The following DNAAF11 variants were observed in gnomAD, a reference collection of about 807,000 sequenced individuals.
DNAAF11 encodes leucine rich repeat containing 6.
A neutral mutation model predicts 60.8 loss-of-function variants in DNAAF11; 45 were observed. The observed-to-expected ratio is 0.74, with a 90% CI of 0.58 to 0.95. The LOEUF (loss-of-function observed/expected upper bound fraction) is 0.95. DNAAF11 is among the 40% of genes least tolerant of loss of function. DNAAF11 has a pLI of 0.00. For synonymous variants in DNAAF11, 191 were observed against 183.5 expected, an observed-to-expected ratio of 1.04 and a Z score of -0.33; for missense variants, 546 against 546.2, an observed-to-expected ratio of 1.00 and a Z score of 0.00.
chr8:132,653,268 T>C (rs1035616638), intron 3 of DNAAF11, among the ~76,000 whole-genome samples: 1 of 152,146 alleles, frequency 6.6e-6, no homozygotes, highest in Admixed American at 6.5e-5. Flanking sequence ...AATGTAGTTG[T>C]CAACGAATAA....
Position 132,632,623 on chromosome 8 carries a change from T to C in DNAAF11, c.653+117A>G, listed in dbSNP as rs896734833. On this transcript the variant is annotated intron_variant, in intron 5 of 11. Transcript: ENST00000620350. ...ATTCTTCCATCCAAAATTCACATCA[T>C]ATTTCATTCTTCAAATTAATCTGGA... 4.2e-6 allele frequency: 3 copies of C among 719,788 alleles called. No homozygotes were observed. In the African/African-American group the frequency reaches 5.3e-5, roughly 13 times the overall value. 44.6% of individuals were successfully genotyped at this position (719,788 alleles called of 1,614,324 possible).
chr8:132,685,670 A>C, the DNAAF11 span, among the ~76,000 whole-genome samples: 2 of 152,204 alleles, frequency 1.3e-5, no homozygotes, highest in Non-Finnish European at 2.9e-5. Context: ...TACAGTTCAC[A>C]CTTGCCCCTT....
intron 10 of DNAAF11, among the ~76,000 whole-genome samples, chr8:132,597,423 G>T (rs375249924): frequency 8.5e-5 from 13 of 152,294 alleles, no homozygotes; most frequent in African/African-American, 2.9e-4. Flanking sequence ...ATCAAGGTCA[G>T]CTGTGCAGGG....
rs76767348 is a variant in DNAAF11 at position 132,572,631 on chromosome 8, A to G, written c.1227-151T>C. On this transcript the variant is annotated intron_variant, in intron 11 of 11. Coordinates refer to ENST00000620350, the MANE Select transcript of DNAAF11 (RefSeq NM_012472.6). ...AAAGGAGAGAATGTCCCTAGCATCA[A>G]GAAGCTTAGAGCCTTGTAGAATCAA... 1,907 of 517,088 alleles carry G rather than the reference A, an allele frequency of 3.7e-3. 33 individuals carry two copies. The highest frequency in any genetic ancestry group is 0.033 in the African/African-American group (1,703 of 51,258). 32.0% of individuals were successfully genotyped at this position (517,088 alleles called of 1,614,324 possible). A position where few individuals can be genotyped will look rare whatever the true frequency, so the allele number is the denominator to read the frequency against.
At chr8:132,642,431 C>T (rs186347402) in intron 3 of DNAAF11, among the ~76,000 whole-genome samples, 14 of 152,372 alleles carry the variant, frequency 9.2e-5, no homozygotes, top group Admixed American at 8.5e-4. Flanking sequence ...TGCATTGGGG[C>T]TGGCCCCAGG....
At chr8:132,680,512 T>C (rs930055742), upstream of DNAAF11, among the ~76,000 whole-genome samples, 6 of 152,096 alleles carry the variant, frequency 3.9e-5, no homozygotes, top group African/African-American at 1.4e-4. Context: ...TAATTTCTTA[T>C]TTTTTTATGA....
intron 4 of DNAAF11, among the ~76,000 whole-genome samples, chr8:132,637,024 T>G (rs1732180210): frequency 6.6e-6 from 1 of 152,196 alleles, no homozygotes; most frequent in Non-Finnish European, 1.5e-5. Flanking sequence ...ACTCTTAGAA[T>G]TACATGAAAC....
chr8:132,615,042 A>G lies in DNAAF11; in HGVS notation c.970T>C (p.Tyr324His). 6.3e-7 allele frequency: 1 copy of G among 1,590,504 alleles called. No individual in the cohort carries two copies. The highest frequency in any genetic ancestry group is 1.1e-5 in the South Asian group (1 of 89,586). ...EKQIILDLAV[Y>H]RYMDTSLIDV... ...ATACGTAGAAAATGTCTTTACCTATAGACAGCAAGGTCCAGGATGATCTGC... is the reference window on the plus strand; with the variant it reads ...ATACGTAGAAAATGTCTTTACCTATGGACAGCAAGGTCCAGGATGATCTGC... The change falls in exon 8 of 12, where the codon TAT becomes CAT. Residue 324 changes from tyrosine (Y) to histidine (H), a missense_variant. Transcript: ENST00000620350.
chr8:132,645,562 T>C (rs965029736), intron 3 of DNAAF11, among the ~76,000 whole-genome samples: 1 of 152,028 alleles, frequency 6.6e-6, no homozygotes, highest in Non-Finnish European at 1.5e-5. Context: ...AGGAGGATGT[T>C]TGAACCTATC....
At chr8:132,612,993 A>G (rs1818814116) in intron 8 of DNAAF11, among the ~76,000 whole-genome samples, 1 of 152,246 alleles carries the variant, frequency 6.6e-6, no homozygotes, top group Non-Finnish European at 1.5e-5. Flanking sequence ...ATTAAACACC[A>G]GACATAGGGC....
At chr8:132,627,079 A>G (rs1041028876) in intron 5 of DNAAF11, among the ~76,000 whole-genome samples, 4 of 152,220 alleles carry the variant, frequency 2.6e-5, no homozygotes, top group Admixed American at 1.3e-4. Flanking sequence ...ATTGCTGAAA[A>G]TAAATAAATT....
chr8:132,687,482 C>A, the DNAAF11 span: 1 of 382,008 alleles, frequency 2.6e-6, no homozygotes, highest in South Asian at 1.9e-5. Flanking sequence ...CCAGGTGACT[C>A]TGCCTTCCCA....
chr8:132,606,026 T>C (rs1428841353), intron 10 of DNAAF11, among the ~76,000 whole-genome samples: 1 of 152,172 alleles, frequency 6.6e-6, no homozygotes, highest in African/African-American at 2.4e-5. Context: ...GATTTACATA[T>C]ACAGTCATAT....
rs1816425034 is a variant in DNAAF11 at position 132,591,152 on chromosome 8, A to G, written c.1141-7373T>C. 4.6e-5 allele frequency among the ~76,000 whole-genome samples: 7 copies of G among 152,316 alleles called. No homozygotes were observed. In the South Asian group the frequency reaches 1.4e-3, roughly 32 times the overall value. On this transcript the variant is annotated intron_variant, in intron 10 of 11. Transcript: ENST00000620350. ...ACATTTTAAGGCTTGATATGTGTCA[A>G]TAATTTTATTCCCAAAAAGATTAAA...
intron 1 of DNAAF11, among the ~76,000 whole-genome samples, chr8:132,671,717 A>C (rs967532045): frequency 6.6e-6 from 1 of 152,132 alleles, no homozygotes; most frequent in Non-Finnish European, 1.5e-5. Flanking sequence ...TCGAGAACAC[A>C]CATATACAAG....
chr8:132,604,585 A>G (rs1465150432), intron 10 of DNAAF11, among the ~76,000 whole-genome samples: 1 of 152,202 alleles, frequency 6.6e-6, no homozygotes, highest in Non-Finnish European at 1.5e-5. Context: ...CAAGCCTCTC[A>G]GTGCATGCAA....
the DNAAF11 span, among the ~76,000 whole-genome samples, chr8:132,697,626 A>G: frequency 6.6e-6 from 1 of 150,500 alleles, no homozygotes; most frequent in Admixed American, 6.7e-5. Flanking sequence ...TCAAAAAGAA[A>G]AAAAAAAAAT....
At chr8:132,622,093 A>T (rs1311796780) in intron 7 of DNAAF11, among the ~76,000 whole-genome samples, 1 of 152,198 alleles carries the variant, frequency 6.6e-6, no homozygotes, top group Non-Finnish European at 1.5e-5. Context: ...ACAGACAAAG[A>T]GGGTAGATCA....
intron 3 of DNAAF11, among the ~76,000 whole-genome samples, chr8:132,654,911 A>G (rs558900033): frequency 2.0e-5 from 3 of 152,128 alleles, no homozygotes; most frequent in African/African-American, 7.2e-5. Context: ...AATAAGGATT[A>G]CAGGGGAAAC....
Sources: allele counts gnomAD v4.1 joint callset (sites outside exome capture counted in the v4.1 genomes callset), GRCh38; gene constraint gnomAD v4.1.1; transcripts MANE v1.5; gene names NCBI Gene and HGNC (gene_info 2026-07-23, HGNC 2026-07-21).